Variants in ASIC2 observed in about 807,000 individuals in gnomAD.
ASIC2 encodes the protein acid sensing ion channel subunit 2, also known as acid-sensing ion channel 2.
ASIC2 carries 25 observed loss-of-function variants against 57.3 expected under a neutral mutation model. The ratio of observed to expected loss-of-function variants is 0.44; its 90% CI spans 0.32 to 0.61. The LOEUF (loss-of-function observed/expected upper bound fraction) is 0.61, where lower values mean the gene tolerates loss of function less well. Among genes scored for constraint, ASIC2 ranks in the 20% least tolerant of loss-of-function variants. The pLI is 0.06. For synonymous variants in ASIC2, 319 were observed against 307.5 expected (o/e 1.04, Z -0.39); for missense variants, 641 against 738.1 (o/e 0.87, Z 1.52).
intron 1 of ASIC2, among the ~76,000 whole-genome samples, chr17:33,500,548 G>T (rs1037427872): frequency 6.6e-6 from 1 of 152,216 alleles, no homozygotes; most frequent in Non-Finnish European, 1.5e-5. Context: ...GTTAGGAGAG[G>T]TTCAGAAAGA....
chr17:33,364,698 G>C (rs1195913473), intron 1 of ASIC2, among the ~76,000 whole-genome samples: 1 of 152,180 alleles, frequency 6.6e-6, no homozygotes, highest in Non-Finnish European at 1.5e-5. Flanking sequence ...AGTACAGCCT[G>C]TGGAACCATG....
intron 1 of ASIC2, among the ~76,000 whole-genome samples, chr17:33,261,309 C>G (rs1311430455): frequency 2.0e-5 from 3 of 152,198 alleles, no homozygotes; most frequent in Non-Finnish European, 4.4e-5. Flanking sequence ...CCACTCACAA[C>G]ATCATTAATT....
chr17:33,174,826 A>T (rs1289148165), intron 1 of ASIC2, among the ~76,000 whole-genome samples: 1 of 152,158 alleles, frequency 6.6e-6, no homozygotes, highest in Non-Finnish European at 1.5e-5. Flanking sequence ...TAACGTGAGC[A>T]AGAAATGAGC....
intron 1 of ASIC2, among the ~76,000 whole-genome samples, chr17:33,128,865 C>G (rs1033756922): frequency 6.6e-6 from 1 of 152,128 alleles, no homozygotes; most frequent in Non-Finnish European, 1.5e-5. Context: ...CAGTATCTGC[C>G]CTTATTCCAG....
chr17:33,393,393 C>G (rs1909968493), intron 1 of ASIC2, among the ~76,000 whole-genome samples: 2 of 152,074 alleles, frequency 1.3e-5, no homozygotes, highest in Admixed American at 1.3e-4. Context: ...CTTCCTTCTC[C>G]CGCCCACATA....
At chr17:33,313,838 G>T (rs1014752493) in intron 1 of ASIC2, among the ~76,000 whole-genome samples, 9 of 152,030 alleles carry the variant, frequency 5.9e-5, no homozygotes, top group African/African-American at 2.2e-4. Flanking sequence ...AGTGAGGAAG[G>T]GCCATCCAGA....
intron 1 of ASIC2, among the ~76,000 whole-genome samples, chr17:33,478,215 C>T (rs1218391038): frequency 2.0e-5 from 3 of 152,214 alleles, no homozygotes; most frequent in Non-Finnish European, 4.4e-5. Context: ...CAAGAGGGGG[C>T]ACAGCTGACA....
chr17:33,331,931 G>T (rs1396112905), intron 1 of ASIC2, among the ~76,000 whole-genome samples: 7 of 152,200 alleles, frequency 4.6e-5, no homozygotes, highest in Admixed American at 1.3e-4. Context: ...CATCACCTGT[G>T]GAGCTTTTGA....
chr17:33,175,033 A>G (rs1232516642), intron 1 of ASIC2, among the ~76,000 whole-genome samples: 2 of 152,176 alleles, frequency 1.3e-5, no homozygotes, highest in African/African-American at 2.4e-5. Context: ...ACCCTGAGCA[A>G]TTAAGATGCT....
chr17:33,177,629 C>T (rs1446246017), intron 1 of ASIC2, among the ~76,000 whole-genome samples: 6 of 152,114 alleles, frequency 3.9e-5, no homozygotes, highest in Admixed American at 3.3e-4. Context: ...GCTGACAGCC[C>T]GGTATGAGAT....
intron 1 of ASIC2, among the ~76,000 whole-genome samples, chr17:33,170,502 C>T (rs1174109503): frequency 1.3e-5 from 2 of 152,042 alleles, no homozygotes; most frequent in African/African-American, 2.4e-5. Context: ...GGAAAAATAT[C>T]CAGGAGAGGA....
intron 1 of ASIC2, among the ~76,000 whole-genome samples, chr17:33,962,144 A>G (rs1474020774): frequency 6.6e-6 from 1 of 152,080 alleles, no homozygotes. Context: ...CCAAACACCA[A>G]CTGAGATTCT....
intron 1 of ASIC2, among the ~76,000 whole-genome samples, chr17:34,108,459 A>G (rs1054084380): frequency 6.6e-6 from 1 of 152,172 alleles, no homozygotes; most frequent in African/African-American, 2.4e-5. Flanking sequence ...TATTGGTTTC[A>G]AATGTAATTA....
intron 1 of ASIC2, among the ~76,000 whole-genome samples, chr17:34,062,547 CA>C (rs557400775): frequency 1.7e-4 from 25 of 151,504 alleles, no homozygotes; most frequent in Non-Finnish European, 2.8e-4. Context: ...GAAATTGAAA[CA>C]AAAAAAGATT....
intron 1 of ASIC2, among the ~76,000 whole-genome samples, chr17:33,670,267 C>T (rs118157265): frequency 0.011 from 1,608 of 152,226 alleles, 11 homozygotes; most frequent in Non-Finnish European, 0.015. Context: ...TCCACTGCAC[C>T]GTCAAATGGG....
intron 1 of ASIC2, among the ~76,000 whole-genome samples, chr17:33,967,096 G>A (rs1182491319): frequency 6.6e-6 from 1 of 151,992 alleles, no homozygotes; most frequent in East Asian, 1.9e-4. Context: ...CCTCTCTTCA[G>A]TGACCCAGGA....
intron 2 of ASIC2, among the ~76,000 whole-genome samples, chr17:33,109,699 G>T (rs536999605): frequency 1.3e-5 from 2 of 151,394 alleles, no homozygotes; most frequent in Admixed American, 1.3e-4. Context: ...CCTTAATCAA[G>T]ATTATGAATT....
At chr17:33,064,432 CCCTGTTTGCCTGGGTAATCTTCAATA>C (rs1483945297) in intron 3 of ASIC2, among the ~76,000 whole-genome samples, 1 of 152,198 alleles carries the variant, frequency 6.6e-6, no homozygotes, top group Non-Finnish European at 1.5e-5. Context: ...CCACTCCAGA[CCCTGTTTGCCTGGGTAATCTTCAATA>C]CCTGTTTGCC....
intron 7 of ASIC2, 60 bp from the exon 8 acceptor site, chr17:33,017,744 C>A: frequency 6.6e-7 from 1 of 1,509,418 alleles, no homozygotes; most frequent in East Asian, 2.3e-5. Context: ...GAAGGGTGAA[C>A]AGACTGAGAT....
Sources: allele counts gnomAD v4.1 joint callset (sites outside exome capture counted in the v4.1 genomes callset), GRCh38; gene constraint gnomAD v4.1.1; transcripts MANE v1.5; gene names NCBI Gene and HGNC (gene_info 2026-07-23, HGNC 2026-07-21).